CRB1: variants seen among roughly 807,000 people sequenced by gnomAD.
The protein encoded by CRB1 is protein crumbs homolog 1.
Under a neutral mutation model 120.0 loss-of-function variants are expected in CRB1, and 83 were observed. That is an observed-to-expected ratio of 0.69 (90% CI 0.58 to 0.83). CRB1 has a LOEUF of 0.83. Ranked by LOEUF, CRB1 falls within the 40% of genes least tolerant of loss-of-function variation. The pLI, the probability that CRB1 is intolerant of heterozygous loss-of-function variation, is 0.00. For missense variants in CRB1, 1,699 were observed against 1,687.6 expected (o/e 1.01, Z -0.12); for synonymous variants, 625 against 612.5 (o/e 1.02, Z -0.30).
At chr1:197,426,818 C>A (rs1003927407) in intron 6 of CRB1, among the ~76,000 whole-genome samples, 1 of 152,112 alleles carries the variant, frequency 6.6e-6, no homozygotes, top group Non-Finnish European at 1.5e-5. Context: ...TCATCTAATT[C>A]TTGATTTCTG....
At chr1:197,204,280 T>C in the CRB1 span, among the ~76,000 whole-genome samples, 2 of 152,230 alleles carry the variant, frequency 1.3e-5, no homozygotes, top group Non-Finnish European at 2.9e-5. Flanking sequence ...TTTCGTATAA[T>C]GACTTCTTTT....
chr1:197,457,104 A>G (rs1408775295), intron 11 of CRB1, among the ~76,000 whole-genome samples: 1 of 152,042 alleles, frequency 6.6e-6, no homozygotes, highest in Non-Finnish European at 1.5e-5. Flanking sequence ...AGTCAAATAC[A>G]TTTGTTCTCA....
intron 5 of CRB1, among the ~76,000 whole-genome samples, chr1:197,405,339 A>T (rs1486085763): frequency 2.0e-5 from 3 of 151,938 alleles, no homozygotes; most frequent in African/African-American, 7.3e-5. Flanking sequence ...CGGCCTCCCG[A>T]GGTGCCGGGA....
rs771827352 is a variant in CRB1, at chr1:197,344,379, G to A, written c.751G>A (p.Ala251Thr). The A allele has an allele frequency of 6.2e-7, 1 of 1,614,090 alleles. No individual in the cohort carries two copies. Among genetic ancestry groups the A allele is most frequent in the East Asian group, 2.2e-5 (1 of 44,878 alleles). ...DALGAYFCDC[A>T]PGFLGDHCEL... is the part of the protein sequence containing the mutation. ...TCTGGGGGCCTATTTCTGCGACTGT[G>A]CCCCTGGATTCCTGGGGGATCACTG... is the stretch of plus-strand genomic sequence containing the variant. The change falls in exon 3 of 12, where the codon GCC becomes ACC. Residue 251 changes from alanine (A) to threonine (T), a missense_variant. Transcript: ENST00000367400.
At chr1:197,275,947 G>A (rs560201479) in intron 1 of CRB1, among the ~76,000 whole-genome samples, 7 of 151,674 alleles carry the variant, frequency 4.6e-5, no homozygotes, top group African/African-American at 1.7e-4. Context: ...ATTTCTGAAA[G>A]GAAGAAGGTA....
intron 1 of CRB1, among the ~76,000 whole-genome samples, chr1:197,326,624 C>G (rs1285754262): frequency 6.6e-6 from 1 of 151,914 alleles, no homozygotes; most frequent in Admixed American, 6.6e-5. Flanking sequence ...GAGCAAGACT[C>G]TGTCTCAAAA....
intron 2 of CRB1, among the ~76,000 whole-genome samples, chr1:197,334,409 G>A (rs2821130): frequency 0.034 from 5,239 of 152,248 alleles, 285 homozygotes; most frequent in African/African-American, 0.12. Flanking sequence ...AGTATTGGGA[G>A]GTGGGAACTA....
the CRB1 span, among the ~76,000 whole-genome samples, chr1:197,253,947 A>G: frequency 1.3e-5 from 2 of 152,090 alleles, no homozygotes; most frequent in Admixed American, 6.6e-5. Flanking sequence ...TTTTTGTAAT[A>G]AACACATCAG....
At chr1:197,249,078 G>A in the CRB1 span, among the ~76,000 whole-genome samples, 1 of 151,744 alleles carries the variant, frequency 6.6e-6, no homozygotes, top group Non-Finnish European at 1.5e-5. Flanking sequence ...TTATGCATAT[G>A]TAAATAGATA....
chr1:197,240,902 A>G, the CRB1 span, among the ~76,000 whole-genome samples: 2 of 152,142 alleles, frequency 1.3e-5, no homozygotes, highest in Admixed American at 1.3e-4. Context: ...TGAAACTGGC[A>G]TAAGATGGTA....
chr1:197,448,312 G>A (rs145595877), intron 11 of CRB1, among the ~76,000 whole-genome samples: 9 of 151,476 alleles, frequency 5.9e-5, no homozygotes, highest in Middle Eastern at 3.4e-3. Context: ...TGTGTGCTGA[G>A]TTGCGTAAAT....
At chr1:197,275,197 A>G (rs1265724390) in intron 1 of CRB1, among the ~76,000 whole-genome samples, 1 of 152,094 alleles carries the variant, frequency 6.6e-6, no homozygotes, top group Non-Finnish European at 1.5e-5. Flanking sequence ...TAATGACCCC[A>G]TGTTAACTTG....
At chr1:197,378,524 C>A (rs562250569) in intron 5 of CRB1, among the ~76,000 whole-genome samples, 7 of 152,004 alleles carry the variant, frequency 4.6e-5, no homozygotes, top group South Asian at 2.1e-4. Flanking sequence ...CTCTATGAAC[C>A]CTTTCCAACA....
chr1:197,421,996 C>T (rs1664357687), intron 6 of CRB1, 40 bp downstream of exon 6: 1 of 1,592,120 alleles, frequency 6.3e-7, no homozygotes, highest in Non-Finnish European at 8.6e-7. Flanking sequence ...AGTGCCATGC[C>T]TCAGAGCAGA....
In CRB1 at chr1:197,344,354, T is replaced by C; in HGVS notation, c.726T>C (p.Ala242=). Residue 242 remains alanine (A), a synonymous_variant, in exon 3 of 12, where the codon GCT becomes GCC. Coordinates refer to ENST00000367400, the MANE Select transcript of CRB1 (RefSeq NM_201253.3). Reference sequence around the variant, plus strand: ...TAAATGGTGCAACTTGTCAGGATGCTCTGGGGGCCTATTTCTGCGACTGTG... The same window carrying C: ...TAAATGGTGCAACTTGTCAGGATGCCCTGGGGGCCTATTTCTGCGACTGTG... The part of the protein sequence containing the change: ...PCLNGATCQD[A]LGAYFCDCAP... 1 of 1,614,172 alleles carries C rather than the reference T, an allele frequency of 6.2e-7. No homozygotes were observed. Among genetic ancestry groups the C allele is most frequent in the African/African-American group, 1.3e-5 (1 of 75,046 alleles).
chr1:197,354,012 T>C (rs149569493), intron 4 of CRB1, among the ~76,000 whole-genome samples: 2,096 of 138,216 alleles, frequency 0.015, 32 homozygotes, highest in African/African-American at 0.053. Flanking sequence ...GGAAAAAATA[T>C]GAAATGGTAA....
chr1:197,408,172 C>A (rs1663517307), intron 5 of CRB1, among the ~76,000 whole-genome samples: 4 of 151,992 alleles, frequency 2.6e-5, no homozygotes, highest in Non-Finnish European at 5.9e-5. Flanking sequence ...TATGGATAAG[C>A]TCAGATGTTC....
intron 5 of CRB1, among the ~76,000 whole-genome samples, chr1:197,392,973 T>C (rs1483248362): frequency 1.3e-5 from 2 of 152,066 alleles, no homozygotes; most frequent in African/African-American, 4.8e-5. Flanking sequence ...GAAAAGGTAC[T>C]TAATGTTCCC....
intron 6 of CRB1, among the ~76,000 whole-genome samples, chr1:197,422,472 C>T (rs894320448): frequency 1.3e-4 from 19 of 149,726 alleles, no homozygotes; most frequent in South Asian, 1.1e-3. Context: ...TTTTATAAAA[C>T]GCCAATTTTA....
Sources: allele counts gnomAD v4.1 joint callset (sites outside exome capture counted in the v4.1 genomes callset), GRCh38; gene constraint gnomAD v4.1.1; transcripts MANE v1.5; gene names NCBI Gene and HGNC (gene_info 2026-07-23, HGNC 2026-07-21).